Variants in CPA5 observed in about 807,000 individuals in gnomAD.
CPA5 encodes the protein testicular tissue protein Li 32.
CPA5 carries 38 observed loss-of-function variants against 52.2 expected under a neutral mutation model. The observed-to-expected ratio is 0.73, with a 90% CI of 0.56 to 0.95. The LOEUF is 0.95. Among genes scored for constraint, CPA5 ranks in the 40% least tolerant of loss-of-function variants. The probability of loss-of-function intolerance (pLI) is 0.00; values close to 1 mark genes in which losing one functional copy is unlikely to be tolerated. For synonymous variants in CPA5, 198 were observed against 213.7 expected, an observed-to-expected ratio of 0.93 and a Z score of 0.64; for missense variants, 519 against 566.7, an observed-to-expected ratio of 0.92 and a Z score of 0.86.
Position 130,361,115 on chromosome 7 carries a change from C to T in CPA5, c.433-28C>T, listed in dbSNP as rs782473746. On this transcript the variant is annotated intron_variant, in intron 6 of 12. Transcript: ENST00000474905. ...GTTCATCCCTCTTCCTGCTTAACTG[C>T]CAATCTTACACACTTCTTTCCTTTC... 3.4e-6 allele frequency: 5 copies of T among 1,454,308 alleles called. No individual in the cohort carries two copies. The African/African-American group carries it at 4.2e-5, about 12-fold the overall frequency. 90.1% of individuals were successfully genotyped at this position (1,454,308 alleles called of 1,614,324 possible). A position where few individuals can be genotyped will look rare whatever the true frequency, so the allele number is the denominator to read the frequency against.
chr7:130,356,098 A>C (rs1554405131), intron 5 of CPA5, among the ~76,000 whole-genome samples: 1 of 152,140 alleles, frequency 6.6e-6, no homozygotes, highest in Non-Finnish European at 1.5e-5. Context: ...ACGTGGGAGG[A>C]GAGGCAGCGG....
chr7:130,356,487 T>C (rs1364229004), intron 5 of CPA5, among the ~76,000 whole-genome samples: 1 of 152,010 alleles, frequency 6.6e-6, no homozygotes, highest in Non-Finnish European at 1.5e-5. Flanking sequence ...CCCATCCCCT[T>C]CCCCCAGCCC....
At chr7:130,363,653 G>A in intron 10 of CPA5, 144 bp downstream of exon 10, 1 of 699,442 alleles carries the variant, frequency 1.4e-6, no homozygotes, top group Non-Finnish European at 2.5e-6. Context: ...CACGGCCAGG[G>A]ACAGGCAAGC....
At chr7:130,351,431 C>T (rs975917825) in intron 5 of CPA5, among the ~76,000 whole-genome samples, 1 of 152,226 alleles carries the variant, frequency 6.6e-6, no homozygotes, top group Admixed American at 6.5e-5. Flanking sequence ...AGAGTCCCCT[C>T]TGAGCCTCCC....
chr7:130,347,165 G>A (rs1486878191), intron 3 of CPA5, among the ~76,000 whole-genome samples: 1 of 152,190 alleles, frequency 6.6e-6, no homozygotes, highest in Non-Finnish European at 1.5e-5. Flanking sequence ...GAGCCAGCCT[G>A]TGAGGGCACC....
At chr7:130,355,360 G>C (rs1795415461) in intron 5 of CPA5, among the ~76,000 whole-genome samples, 1 of 152,194 alleles carries the variant, frequency 6.6e-6, no homozygotes, top group East Asian at 1.9e-4. Flanking sequence ...TAAGCATTTA[G>C]CATGTATTAA....
chr7:130,362,894 AT>A lies in CPA5; in HGVS notation c.649del (p.Tyr217MetfsTer7). On this transcript the variant is annotated frameshift_variant, in exon 9 of 13. Coordinates refer to ENST00000474905, the MANE Select transcript of CPA5 (RefSeq NM_080385.5). LOFTEE classifies it high-confidence loss of function. ...GIWTANKIVS[D>X]YGKDRVLTDI... ...CACTCTTTCTTGCAGATTGTCAGTG[AT>A]TATGGCAAAGACCGTGTCCTGACAG... The A allele has an allele frequency of 6.2e-7, 1 of 1,611,544 alleles. No homozygotes were observed. Among genetic ancestry groups the A allele is most frequent in the Non-Finnish European group, 8.5e-7 (1 of 1,177,884 alleles).
At chr7:130,359,531 G>T in intron 5 of CPA5, 58 bp from the exon 6 acceptor site, 1 of 1,283,020 alleles carries the variant, frequency 7.8e-7, no homozygotes, top group South Asian at 1.3e-5. Context: ...GGGCTCAGAA[G>T]AGGCATAGCC....
At chr7:130,363,378 T>G in intron 9 of CPA5, 41 bp from the exon 10 acceptor site, 1 of 1,512,334 alleles carries the variant, frequency 6.6e-7, no homozygotes, top group Non-Finnish European at 9.0e-7. Flanking sequence ...TCCCTGGGAA[T>G]GGGCCCAGTG....
chr7:130,371,309 C>T (rs1361149870), downstream of CPA5, among the ~76,000 whole-genome samples: 1 of 152,252 alleles, frequency 6.6e-6, no homozygotes, highest in Non-Finnish European at 1.5e-5. Flanking sequence ...AGGACTATTA[C>T]TGTCCTTATT....
At chr7:130,358,623 G>T (rs533077243) in intron 5 of CPA5, among the ~76,000 whole-genome samples, 1 of 152,278 alleles carries the variant, frequency 6.6e-6, no homozygotes, top group Admixed American at 6.5e-5. Context: ...TAATGAGGAT[G>T]CTTTCTCAGC....
chr7:130,360,970 A>C (rs1795758508), intron 6 of CPA5, among the ~76,000 whole-genome samples, 173 bp from the exon 7 acceptor site: 1 of 152,196 alleles, frequency 6.6e-6, no homozygotes, highest in African/African-American at 2.4e-5. Flanking sequence ...TTTAGCTCTG[A>C]GGGAGTGCTC....
rs1796188417 is a variant in CPA5 at position 130,367,898 on chromosome 7, T to A, written c.1039-8T>A. On this transcript the variant is annotated splice_region_variant and splice_polypyrimidine_tract_variant and intron_variant, in intron 11 of 12. Coordinates refer to ENST00000474905, the MANE Select transcript of CPA5 (RefSeq NM_080385.5). ...CCTGCCTTTCACCCCGCCAATGTCATCTTGCAGTACGATCTTGCCAAGGAT... is the reference window on the plus strand; with the variant it reads ...CCTGCCTTTCACCCCGCCAATGTCAACTTGCAGTACGATCTTGCCAAGGAT... 1 of 1,613,912 alleles carries A rather than the reference T, an allele frequency of 6.2e-7. No homozygotes were observed. Among genetic ancestry groups the A allele is most frequent in the Non-Finnish European group, 8.5e-7 (1 of 1,179,772 alleles).
chr7:130,370,890 G>T (rs960002860), downstream of CPA5, among the ~76,000 whole-genome samples: 1 of 152,232 alleles, frequency 6.6e-6, no homozygotes, highest in East Asian at 1.9e-4. Context: ...CTGCCTCCCG[G>T]GAAGAATATA....
chr7:130,372,765 G>A (rs782586909), downstream of CPA5, among the ~76,000 whole-genome samples: 23 of 152,214 alleles, frequency 1.5e-4, no homozygotes, highest in Non-Finnish European at 3.1e-4. Flanking sequence ...TGTGGGCAAG[G>A]AGGAAGGGAA....
At chr7:130,367,717 G>C in intron 11 of CPA5, 146 bp downstream of exon 11, 2 of 896,192 alleles carry the variant, frequency 2.2e-6, no homozygotes, top group Non-Finnish European at 3.6e-6. Context: ...GGGGTAGGGG[G>C]AGCTTGCTGT....
chr7:130,366,549 T>G (rs1276622136), intron 10 of CPA5, among the ~76,000 whole-genome samples: 1 of 152,194 alleles, frequency 6.6e-6, no homozygotes, highest in African/African-American at 2.4e-5. Flanking sequence ...CCTGCTCCTC[T>G]TTGTTCTCTC....
In CPA5 at chr7:130,362,422, C is replaced by T. The variant is rs782431490; in HGVS notation, c.535-16C>T. 1.6e-5 allele frequency: 26 copies of T among 1,593,666 alleles called. No homozygotes were observed. In the Admixed American group the frequency reaches 1.8e-4, roughly 11 times the overall value. ...TGAGTTCAAACCTCGGTTTGGGGCC[C>T]GATTCTTTTTCTCAGTTCAGCACTG... On this transcript the variant is annotated splice_polypyrimidine_tract_variant and intron_variant, in intron 7 of 12. Coordinates refer to ENST00000474905, the MANE Select transcript of CPA5 (RefSeq NM_080385.5).
chr7:130,365,961 T>C (rs1029646915), intron 10 of CPA5, among the ~76,000 whole-genome samples: 2 of 152,192 alleles, frequency 1.3e-5, no homozygotes, highest in Admixed American at 1.3e-4. Flanking sequence ...GCACATCCCC[T>C]TCTAACCAGG....
Sources: allele counts gnomAD v4.1 joint callset (sites outside exome capture counted in the v4.1 genomes callset), GRCh38; gene constraint gnomAD v4.1.1; transcripts MANE v1.5; gene names NCBI Gene and HGNC (gene_info 2026-07-23, HGNC 2026-07-21).